SBF2: variants seen among roughly 807,000 people sequenced by gnomAD.
SBF2 encodes myotubularin-related protein 13.
A neutral mutation model predicts 225.2 loss-of-function variants in SBF2; 112 were observed. The ratio of observed to expected loss-of-function variants is 0.50; its 90% CI spans 0.43 to 0.58. SBF2 has a LOEUF of 0.58. SBF2 is among the 20% of genes least tolerant of loss of function. The pLI, the probability that SBF2 is intolerant of heterozygous loss-of-function variation, is 0.00. For synonymous variants in SBF2, 763 were observed against 773.3 expected (o/e 0.99, Z 0.22); for missense variants, 1,996 against 2,206.2 (o/e 0.90, Z 1.91).
chr11:10,157,648 T>C (rs1398366891), intron 2 of SBF2, among the ~76,000 whole-genome samples: 1 of 152,172 alleles, frequency 6.6e-6, no homozygotes, highest in Non-Finnish European at 1.5e-5. Flanking sequence ...GATTCTACCT[T>C]ATGGTGAGTT....
intron 35 of SBF2, among the ~76,000 whole-genome samples, chr11:9,788,752 G>T (rs1852541249): frequency 7.0e-6 from 1 of 143,334 alleles, no homozygotes; most frequent in African/African-American, 2.7e-5. Context: ...CCGCCACCAC[G>T]CCCGGCTAAT....
rs917167057 is a variant in SBF2 at position 9,958,996 on chromosome 11, T to A, written c.1860+2961A>T. The A allele has an allele frequency of 3.3e-6, 3 of 901,486 alleles. No homozygotes were observed. In the African/African-American group the frequency reaches 4.9e-5, roughly 15 times the overall value. 55.8% of individuals were successfully genotyped at this position (901,486 alleles called of 1,614,324 possible). On this transcript the variant is annotated intron_variant, in intron 16 of 39. Coordinates refer to ENST00000256190, the MANE Select transcript of SBF2 (RefSeq NM_030962.4). ...TTGCTTGCTTAGTTTCTTGATGGCC[T>A]CCTCAATGTATTTCAGACCATTCTC...
At chr11:9,781,357 G>A (rs1219877153) in intron 39 of SBF2, 150 bp downstream of exon 39, 1 of 982,438 alleles carries the variant, frequency 1.0e-6, no homozygotes, top group East Asian at 2.4e-5. Flanking sequence ...CAATAATGCT[G>A]AGTTCAAGCT....
intron 30 of SBF2, 24 bp downstream of exon 30, chr11:9,812,508 G>A: frequency 6.2e-7 from 1 of 1,613,522 alleles, no homozygotes. Context: ...GAGTTATAAA[G>A]AAAGAAGCTG....
chr11:10,296,636 A>G (rs1017516106), upstream of SBF2, among the ~76,000 whole-genome samples: 9 of 152,112 alleles, frequency 5.9e-5, no homozygotes, highest in Non-Finnish European at 1.0e-4. Flanking sequence ...GGAACAACCC[A>G]TATGGACATA....
At chr11:10,260,437 T>C (rs1267522282) in intron 1 of SBF2, among the ~76,000 whole-genome samples, 1 of 151,048 alleles carries the variant, frequency 6.6e-6, no homozygotes, top group East Asian at 2.0e-4. Flanking sequence ...AATTTACAGG[T>C]CGGGCACGGT....
At chr11:9,980,226 C>T (rs537752540) in intron 13 of SBF2, among the ~76,000 whole-genome samples, 1 of 151,646 alleles carries the variant, frequency 6.6e-6, no homozygotes, top group Admixed American at 6.6e-5. Context: ...AGTGATCTGC[C>T]CGCCTCAGCC....
intron 2 of SBF2, among the ~76,000 whole-genome samples, chr11:10,176,211 A>G (rs1956456096): frequency 6.7e-6 from 1 of 148,162 alleles, no homozygotes; most frequent in African/African-American, 2.5e-5. Context: ...GGAAATTTAT[A>G]GCACTAAATG....
chr11:10,301,261 G>A (rs1244667396), intron 1 of SBF2, among the ~76,000 whole-genome samples: 3 of 152,124 alleles, frequency 2.0e-5, no homozygotes, highest in African/African-American at 4.8e-5. Flanking sequence ...GGAACTGTAT[G>A]CCTATTTTAT....
intron 22 of SBF2, among the ~76,000 whole-genome samples, chr11:9,848,748 A>G (rs1856724858): frequency 6.6e-6 from 1 of 152,256 alleles, no homozygotes; most frequent in African/African-American, 2.4e-5. Flanking sequence ...AATATGAAGG[A>G]GCGGGCTAAG....
At chr11:10,159,070 T>C (rs183185789) in intron 2 of SBF2, among the ~76,000 whole-genome samples, 3 of 152,324 alleles carry the variant, frequency 2.0e-5, no homozygotes, top group Admixed American at 2.0e-4. Flanking sequence ...CTGAAAGTTT[T>C]TCCTCTAACA....
Position 9,945,126 on chromosome 11 carries a change from G to A in SBF2, c.1860+16831C>T, listed in dbSNP as rs146655896. Among the ~76,000 whole-genome samples the A allele has an allele frequency of 3.3e-4, 50 of 151,644 alleles. No homozygotes were observed. In the East Asian group the frequency reaches 8.7e-3, roughly 26 times the overall value. On this transcript the variant is annotated intron_variant, in intron 16 of 39. Transcript: ENST00000256190. ...ATCTCAAAAAAATAAAATTCATATG[G>A]GACCAAAAAAAAGGCCAAACATCCA...
intron 9 of SBF2, among the ~76,000 whole-genome samples, chr11:9,995,874 G>C (rs1947677703): frequency 6.8e-6 from 1 of 147,830 alleles, no homozygotes; most frequent in African/African-American, 2.5e-5. Context: ...TGGTCAGGCT[G>C]GTCTCGAACT....
intron 2 of SBF2, among the ~76,000 whole-genome samples, chr11:10,088,062 T>G (rs1195511113): frequency 6.6e-6 from 1 of 151,976 alleles, no homozygotes; most frequent in African/African-American, 2.4e-5. Context: ...CTCACTCTGT[T>G]GCCCAGGCTG....
Position 9,895,928 on chromosome 11 carries a change from A to G in SBF2, c.1929+15T>C, listed in dbSNP as rs747124519. 4.4e-6 allele frequency: 7 copies of G among 1,574,282 alleles called. No individual in the cohort carries two copies. Among genetic ancestry groups the G allele is most frequent in the Non-Finnish European group, 6.1e-6 (7 of 1,143,936 alleles). On this transcript the variant is annotated intron_variant, in intron 17 of 39. Coordinates refer to ENST00000256190, the MANE Select transcript of SBF2 (RefSeq NM_030962.4). ...TAAATCATAACAAGCTTATATATGGACCAATGAAACTTACCCTATAGAAAG... is the reference window on the plus strand; with the variant it reads ...TAAATCATAACAAGCTTATATATGGGCCAATGAAACTTACCCTATAGAAAG...
intron 2 of SBF2, among the ~76,000 whole-genome samples, chr11:10,093,967 AACAAGGAT>A (rs1951895073): frequency 6.6e-6 from 1 of 152,246 alleles, no homozygotes; most frequent in Non-Finnish European, 1.5e-5. Flanking sequence ...AAAAAATACA[AACAAGGAT>A]ATTTGGTAAA....
chr11:10,252,606 C>A (rs555840166), intron 1 of SBF2, among the ~76,000 whole-genome samples: 1 of 152,138 alleles, frequency 6.6e-6, no homozygotes, highest in Non-Finnish European at 1.5e-5. Context: ...GTCAAGAGAT[C>A]GAGACCATCC....
upstream of SBF2, among the ~76,000 whole-genome samples, chr11:10,296,021 C>A (rs976494644): frequency 1.3e-5 from 2 of 152,170 alleles, no homozygotes; most frequent in African/African-American, 4.8e-5. Flanking sequence ...GAAAACCTCA[C>A]AACCATTAAG....
At chr11:9,855,878 G>A (rs1302203456) in intron 19 of SBF2, among the ~76,000 whole-genome samples, 1 of 152,206 alleles carries the variant, frequency 6.6e-6, no homozygotes, top group Admixed American at 6.5e-5. Context: ...AAGGATGTGA[G>A]GCAGGAATAT....
Sources: gnomAD v4.1 joint callset for allele counts (sites outside exome capture counted in the v4.1 genomes callset) on GRCh38, gnomAD v4.1.1 for gene constraint, MANE v1.5 for transcripts, NCBI Gene and HGNC (gene_info 2026-07-23, HGNC 2026-07-21) for gene names.